ANKS1B: variants seen among roughly 807,000 people sequenced by gnomAD.
ANKS1B encodes ankyrin repeat and sterile alpha motif domain-containing protein 1B.
ANKS1B carries 36 observed loss-of-function variants against 148.3 expected under a neutral mutation model. That is an observed-to-expected ratio of 0.24 (90% CI 0.19 to 0.32). The LOEUF (loss-of-function observed/expected upper bound fraction) is 0.32. Among genes scored for constraint, ANKS1B ranks in the 10% least tolerant of loss-of-function variants. The pLI, the probability that ANKS1B is intolerant of heterozygous loss-of-function variation, is 1.00. For synonymous variants in ANKS1B, 542 were observed against 560.8 expected, an observed-to-expected ratio of 0.97 and a Z score of 0.47; for missense variants, 1,157 against 1,542.6, an observed-to-expected ratio of 0.75 and a Z score of 4.19.
At chr12:99,561,018 T>C (rs575467585) in intron 9 of ANKS1B, among the ~76,000 whole-genome samples, 1 of 151,984 alleles carries the variant, frequency 6.6e-6, no homozygotes, top group South Asian at 2.1e-4. Flanking sequence ...AGCTAATTTT[T>C]TGTATTTTTA....
intron 8 of ANKS1B, among the ~76,000 whole-genome samples, chr12:99,679,843 C>T (rs1285472139): frequency 3.3e-5 from 5 of 152,290 alleles, no homozygotes; most frequent in Admixed American, 2.0e-4. Context: ...TCAGGACTAA[C>T]TTGCAGCACC....
intron 2 of ANKS1B, among the ~76,000 whole-genome samples, chr12:99,816,604 C>A (rs1044872139): frequency 5.9e-5 from 9 of 151,564 alleles, no homozygotes; most frequent in African/African-American, 2.2e-4. Context: ...TTCAAAGATA[C>A]CAGCTAATGA....
intron 8 of ANKS1B, among the ~76,000 whole-genome samples, chr12:99,680,084 G>A (rs1260244851): frequency 6.6e-6 from 1 of 152,170 alleles, no homozygotes; most frequent in East Asian, 1.9e-4. Context: ...TCCAGACCAC[G>A]GGAGAAGGAT....
At chr12:98,953,013 T>A (rs2099856380) in intron 17 of ANKS1B, among the ~76,000 whole-genome samples, 1 of 142,338 alleles carries the variant, frequency 7.0e-6, no homozygotes. Flanking sequence ...CACACATCTC[T>A]GCACTCAGCT....
intron 8 of ANKS1B, among the ~76,000 whole-genome samples, chr12:99,665,722 G>C (rs1325465148): frequency 6.6e-6 from 1 of 152,100 alleles, no homozygotes; most frequent in Admixed American, 6.5e-5. Context: ...TCCTGACCTT[G>C]TGATCCGCCC....
At chr12:99,469,036 A>G (rs530466258) in intron 10 of ANKS1B, among the ~76,000 whole-genome samples, 6,615 of 152,112 alleles carry the variant, frequency 0.043, 494 homozygotes, top group African/African-American at 0.15. Flanking sequence ...ACTTGGAACC[A>G]ACCCAAATGT....
intron 10 of ANKS1B, among the ~76,000 whole-genome samples, chr12:99,477,223 CG>C (rs2096338887): frequency 6.6e-6 from 1 of 152,104 alleles, no homozygotes; most frequent in Admixed American, 6.5e-5. Flanking sequence ...ACCAGGAAAG[CG>C]GATCACTGGC....
At chr12:99,009,244 A>G (rs1385388732) in intron 17 of ANKS1B, among the ~76,000 whole-genome samples, 1 of 152,210 alleles carries the variant, frequency 6.6e-6, no homozygotes, top group Non-Finnish European at 1.5e-5. Context: ...GAAGTAAAGG[A>G]AAATTTAAAC....
At chr12:98,763,834 A>T (rs1218526978) in intron 25 of ANKS1B, among the ~76,000 whole-genome samples, 1 of 152,182 alleles carries the variant, frequency 6.6e-6, no homozygotes, top group Non-Finnish European at 1.5e-5. Context: ...CAAAAACCAG[A>T]TTTTTAAAGG....
At chr12:99,167,970 C>T (rs2077353797) in intron 14 of ANKS1B, among the ~76,000 whole-genome samples, 5 of 152,142 alleles carry the variant, frequency 3.3e-5, no homozygotes, top group Admixed American at 3.3e-4. Flanking sequence ...TGTATGATTC[C>T]ATTTATATAA....
chr12:99,471,645 C>T (rs569933786), intron 10 of ANKS1B, among the ~76,000 whole-genome samples: 9 of 143,598 alleles, frequency 6.3e-5, no homozygotes, highest in Admixed American at 3.4e-4. Flanking sequence ...ATCACATATG[C>T]GTGCACACAC....
At chr12:98,855,003 C>G (rs913278301) in intron 17 of ANKS1B, among the ~76,000 whole-genome samples, 6 of 151,202 alleles carry the variant, frequency 4.0e-5, no homozygotes, top group Non-Finnish European at 7.4e-5. Flanking sequence ...ACTAAAAATA[C>G]AAAAAATTAG....
intron 1 of ANKS1B, among the ~76,000 whole-genome samples, chr12:99,961,026 A>C (rs2095404685): frequency 6.6e-6 from 1 of 152,092 alleles, no homozygotes; most frequent in East Asian, 1.9e-4. Context: ...TCAGGAATTC[A>C]AGACCAGCCC....
rs1326460388 is a variant in ANKS1B, at chr12:98,858,172, T to C, written c.2779-26036A>G. On this transcript the variant is annotated intron_variant, in intron 17 of 26. Coordinates refer to ENST00000683438, the MANE Select transcript of ANKS1B (RefSeq NM_001352186.2). ...CAGTTGGGACCTACTCTATGTACTCTGGTGCTCTCCATAAGCAAATGGGAT... is the reference window on the plus strand; with the variant it reads ...CAGTTGGGACCTACTCTATGTACTCCGGTGCTCTCCATAAGCAAATGGGAT... 2.0e-5 allele frequency among the ~76,000 whole-genome samples: 3 copies of C among 152,310 alleles called. No homozygotes were observed. In the East Asian group the frequency reaches 5.8e-4, roughly 29 times the overall value.
intron 12 of ANKS1B, among the ~76,000 whole-genome samples, chr12:99,373,793 G>A (rs1016216464): frequency 5.3e-5 from 8 of 152,040 alleles, no homozygotes; most frequent in African/African-American, 1.9e-4. Context: ...CTTGGCGAAA[G>A]TGAGAAAGAA....
intron 17 of ANKS1B, among the ~76,000 whole-genome samples, chr12:98,943,086 C>T (rs1274260516): frequency 6.6e-6 from 1 of 152,216 alleles, no homozygotes; most frequent in East Asian, 1.9e-4. Context: ...CCTTTATCTT[C>T]TTACGATTGT....
chr12:99,211,770 G>T (rs1419517806), intron 14 of ANKS1B, among the ~76,000 whole-genome samples: 1 of 152,154 alleles, frequency 6.6e-6, no homozygotes, highest in Admixed American at 6.5e-5. Context: ...CCATTGAAGT[G>T]GTATTGAGCT....
intron 10 of ANKS1B, among the ~76,000 whole-genome samples, chr12:99,487,235 C>G (rs1194324730): frequency 1.3e-5 from 2 of 152,154 alleles, no homozygotes; most frequent in Non-Finnish European, 1.5e-5. Context: ...GGAAGCTAGA[C>G]TATTATGAAT....
intron 1 of ANKS1B, among the ~76,000 whole-genome samples, chr12:99,826,067 A>C (rs1182218924): frequency 6.6e-6 from 1 of 152,124 alleles, no homozygotes; most frequent in Non-Finnish European, 1.5e-5. Context: ...TAACTTTTGG[A>C]AAATAAGGCA....
Sources: allele counts gnomAD v4.1 joint callset (sites outside exome capture counted in the v4.1 genomes callset), GRCh38; gene constraint gnomAD v4.1.1; transcripts MANE v1.5; gene names NCBI Gene and HGNC (gene_info 2026-07-23, HGNC 2026-07-21).